TNFRSF19: variants seen among roughly 807,000 people sequenced by gnomAD.
TNFRSF19 encodes the protein tumor necrosis factor receptor superfamily member 19.
A neutral mutation model predicts 46.4 loss-of-function variants in TNFRSF19; 27 were observed. That is an observed-to-expected ratio of 0.58 (90% CI 0.43 to 0.80). TNFRSF19 has a LOEUF of 0.80. Ranked by LOEUF, TNFRSF19 falls within the 30% of genes least tolerant of loss-of-function variation. The pLI is 0.00. For missense variants in TNFRSF19, 511 were observed against 530.8 expected, an observed-to-expected ratio of 0.96 and a Z score of 0.37; for synonymous variants, 204 against 205.0, an observed-to-expected ratio of 1.00 and a Z score of 0.04.
intron 4 of TNFRSF19, among the ~76,000 whole-genome samples, chr13:23,618,619 TTAGACA>T (rs1278622014): frequency 6.6e-6 from 1 of 152,122 alleles, no homozygotes; most frequent in Non-Finnish European, 1.5e-5. Context: ...CTTCAGAAAG[TTAGACA>T]TAGAGTTACC....
At position 23,599,133 on chromosome 13, in the gene TNFRSF19, T is replaced by C. The variant is rs112958174; in HGVS notation, c.180+5678T>C. ...TGACCTTCAAAGTCTGTGTGATATC[T>C]CATTAACAGTAGCATCTCAACAGGT... is the stretch of plus-strand genomic sequence containing the variant. On this transcript the variant is annotated intron_variant, in intron 3 of 9. Transcript: ENST00000248484. 1.0e-2 allele frequency among the ~76,000 whole-genome samples: 1,523 copies of C among 152,374 alleles called. 29 individuals are homozygous for C. Among genetic ancestry groups the C allele is most frequent in the African/African-American group, 0.035 (1,461 of 41,590 alleles).
rs561387760 is a variant in TNFRSF19, at chr13:23,662,420, T to A, written c.736+1930T>A. Among the ~76,000 whole-genome samples the A allele has an allele frequency of 2.0e-5, 3 of 152,352 alleles. No individual in the cohort carries two copies. The South Asian group carries it at 6.2e-4, about 32-fold the overall frequency. ...TTGTACTAGTACCATGCTGTTTTGG[T>A]TACTGTGGCCTTGTAGCGTAGTTTG... On this transcript the variant is annotated intron_variant, in intron 7 of 9. Transcript: ENST00000248484.
At position 23,593,339 on chromosome 13, in the gene TNFRSF19, T is replaced by G; in HGVS notation, c.70-6T>G. 1 of 1,539,184 alleles carries G rather than the reference T, an allele frequency of 6.5e-7. No homozygotes were observed. The highest frequency in any genetic ancestry group is 2.3e-5 in the Admixed American group (1 of 43,088). On this transcript the variant is annotated splice_region_variant and splice_polypyrimidine_tract_variant and intron_variant, in intron 2 of 9. Coordinates refer to ENST00000248484, the MANE Select transcript of TNFRSF19 (RefSeq NM_148957.4). The stretch of plus-strand genomic sequence containing the variant: ...AGATAACATTTTGTTAAATTTTTTT[T>G]TTCAGTCATGTAAAGTGACTTGTGA...
At chr13:23,626,223 G>GTGTGTGTGTGTGTGTGTGT (rs1566194534) in intron 4 of TNFRSF19, among the ~76,000 whole-genome samples, 1 of 146,934 alleles carries the variant, frequency 6.8e-6, no homozygotes, top group African/African-American at 2.5e-5. Flanking sequence ...GTGTGTGTGT[G>GTGTGTGTGTGTGTGTGTGT]GTTGCTGTTC....
At chr13:23,586,301 A>C (rs1878835461) in intron 1 of TNFRSF19, among the ~76,000 whole-genome samples, 1 of 151,994 alleles carries the variant, frequency 6.6e-6, no homozygotes, top group Non-Finnish European at 1.5e-5. Context: ...ACCAGATGCA[A>C]CAAAAAGGCT....
chr13:23,658,900 G>A, intron 5 of TNFRSF19, 150 bp from the exon 6 acceptor site: 1 of 918,944 alleles, frequency 1.1e-6, no homozygotes, highest in Non-Finnish European at 1.7e-6. Context: ...CATCTTCTGG[G>A]TGGAGGGGGT....
intron 1 of TNFRSF19, 28 bp downstream of exon 1, chr13:23,570,876 T>G (rs1877595138): frequency 6.6e-6 from 1 of 152,258 alleles, no homozygotes; most frequent in African/African-American, 2.4e-5. Flanking sequence ...CTCAGCATGT[T>G]GCAGGTACTC....
intron 2 of TNFRSF19, among the ~76,000 whole-genome samples, chr13:23,591,728 C>CTTTT (rs1238199379): frequency 5.8e-5 from 6 of 103,652 alleles, no homozygotes; most frequent in Admixed American, 1.9e-4. Context: ...TTCTTTCTTT[C>CTTTT]TTTTTTTTTT....
rs891896173 is a variant in TNFRSF19, at chr13:23,597,547, G to C, written c.180+4092G>C. Among the ~76,000 whole-genome samples the C allele has an allele frequency of 7.2e-5, 11 of 152,114 alleles. No individual in the cohort carries two copies. The East Asian group carries it at 2.1e-3, about 29-fold the overall frequency. ...ATACACCCTCCCTAGACTAAACCAG[G>C]AAGAAGTTAAATCCCTGAATAGACC... On this transcript the variant is annotated intron_variant, in intron 3 of 9. Transcript: ENST00000248484.
At chr13:23,620,377 C>T (rs750451548) in intron 4 of TNFRSF19, among the ~76,000 whole-genome samples, 1 of 152,176 alleles carries the variant, frequency 6.6e-6, no homozygotes, top group Non-Finnish European at 1.5e-5. Flanking sequence ...GTCCATAGGC[C>T]GAGGTCCCCC....
intron 2 of TNFRSF19, among the ~76,000 whole-genome samples, chr13:23,591,767 C>T (rs1879325912): frequency 6.7e-6 from 1 of 148,160 alleles, no homozygotes; most frequent in South Asian, 2.1e-4. Flanking sequence ...CGCTTTGTCA[C>T]CAGGCTGGAG....
intron 3 of TNFRSF19, among the ~76,000 whole-genome samples, chr13:23,602,810 T>C: frequency 6.6e-6 from 1 of 152,004 alleles, no homozygotes; most frequent in East Asian, 1.9e-4. Flanking sequence ...TATTTTGAAC[T>C]AAATGAAAAT....
chr13:23,621,705 A>G, intron 4 of TNFRSF19, among the ~76,000 whole-genome samples: 1 of 151,966 alleles, frequency 6.6e-6, no homozygotes, highest in Admixed American at 6.6e-5. Flanking sequence ...CTTCATTGGG[A>G]GGCTGAGGCA....
At chr13:23,650,313 T>C (rs1883558527) in intron 5 of TNFRSF19, among the ~76,000 whole-genome samples, 1 of 152,234 alleles carries the variant, frequency 6.6e-6, no homozygotes, top group Admixed American at 6.5e-5. Context: ...AGCAGCACTA[T>C]TCACAAGAGC....
chr13:23,615,937 G>A lies in TNFRSF19; in HGVS notation c.251G>A (p.Trp84Ter). ...CGGCTGCACAGGTTCAAGGAGGACTGGGGCTTCCAGAAATGCAAGCCCTGT... is the reference window on the plus strand; with the variant it reads ...CGGCTGCACAGGTTCAAGGAGGACTAGGGCTTCCAGAAATGCAAGCCCTGT... ...TCRLHRFKED[W>*]GFQKCKPCLD... Residue 84 changes from tryptophan to a stop codon, truncating the protein, a stop_gained, in exon 4 of 10, where the codon TGG (tryptophan) becomes TAG (stop). Coordinates refer to ENST00000248484, the MANE Select transcript of TNFRSF19 (RefSeq NM_148957.4). LOFTEE classifies it high-confidence loss of function. The A allele has an allele frequency of 6.2e-7, 1 of 1,614,076 alleles. No homozygotes were observed. The highest frequency in any genetic ancestry group is 8.5e-7 in the Non-Finnish European group (1 of 1,179,936).
intron 1 of TNFRSF19, among the ~76,000 whole-genome samples, chr13:23,589,537 A>G (rs1473348466): frequency 1.3e-5 from 2 of 152,218 alleles, no homozygotes; most frequent in African/African-American, 4.8e-5. Flanking sequence ...GTCAGGGCGT[A>G]TGTGACACAG....
At chr13:23,660,531 A>G (rs1884298608) in intron 7 of TNFRSF19, 41 bp downstream of exon 7, 1 of 1,598,372 alleles carries the variant, frequency 6.3e-7, no homozygotes. Flanking sequence ...GACTGGAGGT[A>G]CACAGAAGCT....
chr13:23,584,337 A>G (rs1878675689), intron 1 of TNFRSF19, among the ~76,000 whole-genome samples: 1 of 152,064 alleles, frequency 6.6e-6, no homozygotes, highest in South Asian at 2.1e-4. Flanking sequence ...TTGGTTTTCC[A>G]TTCCTGAGTT....
rs528874415 is a variant in TNFRSF19 at position 23,575,880 on chromosome 13, A to G, written c.-35+5032A>G. ...GGTTTTTCAAGTTTTCCTTAGTTCA[A>G]CTTTTGGGGAAAAATATTTTAAACA... is the stretch of plus-strand genomic sequence containing the variant. On this transcript the variant is annotated intron_variant, in intron 1 of 9. Coordinates refer to ENST00000248484, the MANE Select transcript of TNFRSF19 (RefSeq NM_148957.4). Among the ~76,000 whole-genome samples, 3 of 152,308 alleles carry G rather than the reference A, an allele frequency of 2.0e-5. No individual in the cohort carries two copies. The South Asian group carries it at 6.2e-4, about 32-fold the overall frequency.
Sources: allele counts gnomAD v4.1 joint callset (sites outside exome capture counted in the v4.1 genomes callset), GRCh38; gene constraint gnomAD v4.1.1; transcripts MANE v1.5; gene names NCBI Gene and HGNC (gene_info 2026-07-23, HGNC 2026-07-21).